PPARGC1B: variants seen among roughly 807,000 people sequenced by gnomAD.
PPARGC1B encodes peroxisome proliferator-activated receptor gamma coactivator 1-beta.
In PPARGC1B, 34 loss-of-function variants were observed where a neutral mutation model predicts 101.6. That is an observed-to-expected ratio of 0.33 (90% CI 0.25 to 0.45). The LOEUF (loss-of-function observed/expected upper bound fraction) is 0.45. Ranked by LOEUF, PPARGC1B falls within the 20% of genes least tolerant of loss-of-function variation. PPARGC1B has a pLI of 1.00. For missense variants in PPARGC1B, 1,234 were observed against 1,317.6 expected, an observed-to-expected ratio of 0.94 and a Z score of 0.98; for synonymous variants, 548 against 539.3, an observed-to-expected ratio of 1.02 and a Z score of -0.22.
intron 1 of PPARGC1B, among the ~76,000 whole-genome samples, chr5:149,781,608 A>G (rs548134694): frequency 3.7e-4 from 57 of 152,278 alleles, no homozygotes; most frequent in African/African-American, 1.3e-3. Flanking sequence ...CTGCCGTTTG[A>G]GTGGCCAGCA....
chr5:149,802,534 G>A (rs1757464304), intron 1 of PPARGC1B, among the ~76,000 whole-genome samples: 1 of 151,668 alleles, frequency 6.6e-6, no homozygotes, highest in Non-Finnish European at 1.5e-5. Context: ...GGAGGCAGAA[G>A]CCTCCTTCCT....
chr5:149,770,249 C>A (rs1756076864), intron 1 of PPARGC1B, among the ~76,000 whole-genome samples: 1 of 152,222 alleles, frequency 6.6e-6, no homozygotes, highest in South Asian at 2.1e-4. Context: ...ATGACCACTT[C>A]AGTCTGGAAG....
At chr5:149,787,353 C>T (rs1010786471) in intron 1 of PPARGC1B, among the ~76,000 whole-genome samples, 1 of 152,210 alleles carries the variant, frequency 6.6e-6, no homozygotes, top group Non-Finnish European at 1.5e-5. Context: ...CCCACGAGAG[C>T]TGGGCCAGGA....
intron 5 of PPARGC1B, among the ~76,000 whole-genome samples, chr5:149,834,253 A>G (rs1758950447): frequency 6.6e-6 from 1 of 152,196 alleles, no homozygotes; most frequent in African/African-American, 2.4e-5. Flanking sequence ...GATTGTCCCT[A>G]TTGAGTCCTC....
intron 1 of PPARGC1B, among the ~76,000 whole-genome samples, chr5:149,786,454 C>T (rs1329237245): frequency 1.3e-5 from 2 of 152,166 alleles, no homozygotes; most frequent in East Asian, 1.9e-4. Context: ...CCAGGCTGGT[C>T]TCAAACTTCT....
chr5:149,785,883 GC>G (rs987084770), intron 1 of PPARGC1B, among the ~76,000 whole-genome samples: 53 of 151,686 alleles, frequency 3.5e-4, no homozygotes, highest in African/African-American at 1.1e-3. Context: ...CAGAGTGAAG[GC>G]AAGCTGAGGG....
chr5:149,806,386 C>G (rs1488197261), intron 1 of PPARGC1B, among the ~76,000 whole-genome samples: 1 of 152,204 alleles, frequency 6.6e-6, no homozygotes, highest in Non-Finnish European at 1.5e-5. Context: ...GACCTTCACT[C>G]TCTTGCCAGG....
intron 11 of PPARGC1B, chr5:149,846,742 G>T (rs1166764444): frequency 6.5e-6 from 1 of 154,564 alleles, no homozygotes; most frequent in Non-Finnish European, 1.4e-5. Context: ...AGGCGGCCCT[G>T]CCCTTGGCTG....
At chr5:149,755,562 G>T (rs115097917) in intron 1 of PPARGC1B, among the ~76,000 whole-genome samples, 3 of 151,552 alleles carry the variant, frequency 2.0e-5, no homozygotes, top group Non-Finnish European at 4.4e-5. Flanking sequence ...GAAACAGTGC[G>T]GGAGTCCTTC....
chr5:149,735,528 C>T (rs1754671847), intron 1 of PPARGC1B, among the ~76,000 whole-genome samples: 1 of 152,218 alleles, frequency 6.6e-6, no homozygotes, highest in African/African-American at 2.4e-5. Flanking sequence ...GTGACGTTTA[C>T]TGAGTATCCC....
At chr5:149,796,474 AT>A (rs887717980) in intron 1 of PPARGC1B, among the ~76,000 whole-genome samples, 18 of 152,276 alleles carry the variant, frequency 1.2e-4, no homozygotes, top group African/African-American at 3.8e-4. Flanking sequence ...TCTTTGGAGA[AT>A]TTTGAGCAGT....
intron 1 of PPARGC1B, among the ~76,000 whole-genome samples, chr5:149,749,488 T>G: frequency 6.6e-6 from 1 of 152,176 alleles, no homozygotes; most frequent in East Asian, 1.9e-4. Context: ...GTTCCCTGCC[T>G]TATCTTGAAT....
chr5:149,775,779 G>A (rs1247694551), intron 1 of PPARGC1B, among the ~76,000 whole-genome samples: 1 of 152,266 alleles, frequency 6.6e-6, no homozygotes, highest in African/African-American at 2.4e-5. Flanking sequence ...TGGATTTTCT[G>A]ATCAGATTCT....
intron 1 of PPARGC1B, among the ~76,000 whole-genome samples, chr5:149,809,687 TAA>T (rs35168335): frequency 0.024 from 2,596 of 109,146 alleles, 35 homozygotes; most frequent in Non-Finnish European, 0.03. Flanking sequence ...GATCCTTTCT[TAA>T]AAAAAAAAAA....
Position 149,837,070 on chromosome 5 carries a change from T to C in PPARGC1B, c.2615T>C (p.Phe872Ser). 6.2e-7 allele frequency: 1 copy of C among 1,611,382 alleles called. No individual in the cohort carries two copies. Among genetic ancestry groups the C allele is most frequent in the African/African-American group, 1.3e-5 (1 of 74,972 alleles). ...HSWSPATRRN[F>S]RCESRGPCSD... ...TGGTCACCAGCCACTCGAAGGAACT[T>C]CAGGTATGAACAGGGGGCTGCAGGA... Residue 872 changes from phenylalanine (F) to serine (S), a missense_variant, in exon 8 of 12, where the codon TTC becomes TCC. Transcript: ENST00000309241. The surrounding 1 kb of genome is among the most constrained non-coding windows in gnomAD (Gnocchi z 4.2).
chr5:149,791,456 A>C (rs191055900), intron 1 of PPARGC1B, among the ~76,000 whole-genome samples: 1 of 152,124 alleles, frequency 6.6e-6, no homozygotes, highest in East Asian at 1.9e-4. Flanking sequence ...TTGAGTTTCT[A>C]GAGATAAGTC....
In PPARGC1B at chr5:149,835,374, G is replaced by A; in HGVS notation, c.1807+9G>A. 6.2e-7 allele frequency: 1 copy of A among 1,612,982 alleles called. No individual in the cohort carries two copies. Among genetic ancestry groups the A allele is most frequent in the South Asian group, 1.1e-5 (1 of 90,990 alleles). ...GCTCTGTGGCACAGCAGGTGAGCCA[G>A]GGGGCTTCCACTGGCAGGTGCCTTC... On this transcript the variant is annotated intron_variant, in intron 7 of 11. Transcript: ENST00000309241.
chr5:149,742,158 C>T (rs1027711616), intron 1 of PPARGC1B, among the ~76,000 whole-genome samples: 4 of 152,162 alleles, frequency 2.6e-5, no homozygotes, highest in Admixed American at 2.6e-4. Flanking sequence ...CCACTGCTAT[C>T]CCCATTTTAC....
chr5:149,830,177 G>T (rs1353585956), intron 3 of PPARGC1B, among the ~76,000 whole-genome samples: 1 of 151,692 alleles, frequency 6.6e-6, no homozygotes, highest in Non-Finnish European at 1.5e-5. Context: ...CTAGGAGGCA[G>T]AAGGGGACTT....
Sources: allele counts gnomAD v4.1 joint callset (sites outside exome capture counted in the v4.1 genomes callset), GRCh38; gene constraint gnomAD v4.1.1; non-coding constraint Gnocchi (gnomAD v3.1); transcripts MANE v1.5; gene names NCBI Gene and HGNC (gene_info 2026-07-23, HGNC 2026-07-21).